Variants in DHRS1 observed in about 807,000 individuals in gnomAD.
DHRS1 encodes dehydrogenase/reductase 1, also known as dehydrogenase/reductase SDR family member 1.
In DHRS1, 34 loss-of-function variants were observed where a neutral mutation model predicts 35.2. The observed-to-expected ratio is 0.97, with a 90% confidence interval of 0.74 to 1.29. DHRS1 has a LOEUF of 1.29. Among genes scored for constraint, DHRS1 ranks in the 50% most tolerant of loss-of-function variants. The pLI, the probability that DHRS1 is intolerant of heterozygous loss-of-function variation, is 0.00. For synonymous variants in DHRS1, 133 were observed against 160.0 expected, an observed-to-expected ratio of 0.83 and a Z score of 1.27; for missense variants, 354 against 403.6, an observed-to-expected ratio of 0.88 and a Z score of 1.05.
Position 24,299,749 on chromosome 14 carries a change from G to C in DHRS1, c.-193C>G. On this transcript the variant is annotated 5_prime_UTR_variant, in exon 1 of 9. Coordinates refer to ENST00000288111, the MANE Select transcript of DHRS1 (RefSeq NM_001136050.3). ...TAGAGGGGCAGAGTCCCAGGCCAAA[G>C]TTAGAACCTGCGGATGGGGGCGGAG... 1 of 594,568 alleles carries C rather than the reference G, an allele frequency of 1.7e-6. No individual in the cohort carries two copies. Among genetic ancestry groups the C allele is most frequent in the South Asian group, 2.5e-5 (1 of 39,694 alleles). The allele number at this position is 594,568 out of a possible 1,614,324, so 36.8% of individuals were successfully genotyped here. A position where few individuals can be genotyped will look rare whatever the true frequency, so the allele number is the denominator to read the frequency against.
At chr14:24,296,465 CTAAG>C (rs1223776926) in intron 4 of DHRS1, 40 bp downstream of exon 4, 6 of 1,602,224 alleles carry the variant, frequency 3.7e-6, no homozygotes, top group Non-Finnish European at 5.1e-6. Flanking sequence ...GTCGAGTTGG[CTAAG>C]TGAGTGAGGG....
Position 24,296,877 on chromosome 14 carries a change from T to C in DHRS1, c.155A>G (p.Gln52Arg). The C allele has an allele frequency of 1.9e-6, 3 of 1,614,232 alleles. No homozygotes were observed. Among genetic ancestry groups the C allele is most frequent in the Non-Finnish European group, 2.5e-6 (3 of 1,180,036 alleles). Reference sequence around the variant, plus strand: ...AGGCACACATTGGCCCCCGAGGGATTGTGCCTGGAGTAGGACAGGGGATAT... The same window carrying C: ...AGGCACACATTGGCCCCCGAGGGATCGTGCCTGGAGTAGGACAGGGGATAT... ...DTLRVVAQEA[Q>R]SLGGQCVPVV... The change falls in exon 3 of 9, where the codon CAA becomes CGA. Residue 52 changes from glutamine to arginine, a missense_variant. Coordinates refer to ENST00000288111, the MANE Select transcript of DHRS1 (RefSeq NM_001136050.3).
chr14:24,299,194 G>C (rs147277524), intron 1 of DHRS1, 64 bp from the exon 2 acceptor site: 2 of 1,435,140 alleles, frequency 1.4e-6, no homozygotes, highest in East Asian at 4.9e-5. Flanking sequence ...GGGCGAGGTT[G>C]GGGGGTAGGG....
At chr14:24,291,018 G>A in intron 8 of DHRS1, 23 bp from the exon 9 acceptor site, 1 of 1,613,850 alleles carries the variant, frequency 6.2e-7, no homozygotes, top group Non-Finnish European at 8.5e-7. Context: ...GGAGGAGGAG[G>A]ATTAGATTCT....
chr14:24,296,618 T>C (rs2041252256), intron 3 of DHRS1, 30 bp from the exon 4 acceptor site: 2 of 1,613,546 alleles, frequency 1.2e-6, no homozygotes, highest in Non-Finnish European at 1.7e-6. Context: ...TGATGAATGA[T>C]CTGAAGGTAG....
chr14:24,292,435 A>T, intron 5 of DHRS1, 105 bp from the exon 6 acceptor site: 1 of 1,526,692 alleles, frequency 6.6e-7, no homozygotes, highest in Non-Finnish European at 8.9e-7. Flanking sequence ...TGTCCTTCCC[A>T]GGAGCCCCAA....
At chr14:24,299,371 T>C in intron 1 of DHRS1, 1 of 385,086 alleles carries the variant, frequency 2.6e-6, no homozygotes, top group Non-Finnish European at 4.7e-6. Flanking sequence ...GGTGGACAAC[T>C]ACTACAACCC....
In DHRS1 at chr14:24,292,212, TC is replaced by T. The variant is rs765644416; in HGVS notation, c.625del (p.Glu209ArgfsTer8). ...ELLKEHMAKE[E>X]VLQDPVLKQF... is the part of the protein sequence containing the mutation. ...CTTCAACACAGGATCCTGCAGGACC[TC>T]CTCCTTTGCCATATGCTCCTTCAGC... On this transcript the variant is annotated frameshift_variant, in exon 6 of 9. Transcript: ENST00000288111. LOFTEE classifies it high-confidence loss of function. 1.9e-6 allele frequency: 3 copies of T among 1,613,928 alleles called. No homozygotes were observed. Among genetic ancestry groups the T allele is most frequent in the Non-Finnish European group, 2.5e-6 (3 of 1,180,020 alleles).
At chr14:24,293,529 G>A (rs1407485335) in intron 4 of DHRS1, 4 of 152,128 alleles carry the variant, frequency 2.6e-5, no homozygotes, top group Admixed American at 2.6e-4. Flanking sequence ...AGCTGAGATT[G>A]TGCCACTGCA....
rs1217975920 is a variant in DHRS1 at position 24,299,016 on chromosome 14, C to T, written c.91G>A (p.Gly31Ser). ...CGGCCAGTGATGTAAACTGTGGCGC[C>T]TGCTTTGCAGAGCTGCAAGGCAATG... Reference protein sequence around the residue: ...RGIALQLCKAGATVYITGRHL... With the variant: ...RGIALQLCKASATVYITGRHL... Residue 31 changes from glycine (G) to serine (S), a missense_variant, in exon 2 of 9, where the codon GGC (glycine) becomes AGC (serine). Coordinates refer to ENST00000288111, the MANE Select transcript of DHRS1 (RefSeq NM_001136050.3). 6.2e-7 allele frequency: 1 copy of T among 1,614,012 alleles called. No individual in the cohort carries two copies. The highest frequency in any genetic ancestry group is 8.5e-7 in the Non-Finnish European group (1 of 1,179,886).
rs1306156197 is a variant in DHRS1, at chr14:24,298,994, C to T, written c.113G>A (p.Gly38Asp). Reference sequence around the variant, plus strand: ...AACGCGAAGGGTGTCCAGATGGCGGCCAGTGATGTAAACTGTGGCGCCTGC... The same window carrying T: ...AACGCGAAGGGTGTCCAGATGGCGGTCAGTGATGTAAACTGTGGCGCCTGC... ...CKAGATVYIT[G>D]RHLDTLRVVA... The change falls in exon 2 of 9, where the codon GGC becomes GAC. Residue 38 changes from glycine (G) to aspartate (D), a missense_variant. Physicochemically the swap from Gly to Asp is moderately conservative, Grantham distance 94 (BLOSUM62 -1). Coordinates refer to ENST00000288111, the MANE Select transcript of DHRS1 (RefSeq NM_001136050.3). 4 of 1,613,268 alleles carry T rather than the reference C, an allele frequency of 2.5e-6. No individual in the cohort carries two copies. The highest frequency in any genetic ancestry group is 3.3e-5 in the Admixed American group (2 of 59,998).
chr14:24,291,353 T>TG, intron 7 of DHRS1, 134 bp from the exon 8 acceptor site: 1 of 1,144,638 alleles, frequency 8.7e-7, no homozygotes, highest in Non-Finnish European at 1.3e-6. Flanking sequence ...TCTTGGGCCT[T>TG]GGACTTTTTC....
intron 4 of DHRS1, 130 bp from the exon 5 acceptor site, chr14:24,292,914 G>A (rs1285038166): frequency 9.9e-6 from 12 of 1,211,254 alleles, no homozygotes; most frequent in Non-Finnish European, 1.3e-5. Context: ...GTGGGTTAGC[G>A]ACCTGAGGAA....
At chr14:24,292,887 T>C in intron 4 of DHRS1, 103 bp from the exon 5 acceptor site, 1 of 1,438,346 alleles carries the variant, frequency 7.0e-7, no homozygotes, top group South Asian at 1.4e-5. Context: ...TGTTGTCCAC[T>C]AGGAAGGCTA....
At chr14:24,297,388 GTT>G (rs1165670275) in intron 2 of DHRS1, among the ~76,000 whole-genome samples, 2 of 152,146 alleles carry the variant, frequency 1.3e-5, no homozygotes, top group African/African-American at 4.8e-5. Context: ...TCTACTTCCT[GTT>G]CTGTCTCACT....
chr14:24,294,589 AAACAACAAC>A (rs56905533), intron 4 of DHRS1: 56,763 of 150,328 alleles, frequency 0.38, 11,741 homozygotes, highest in Middle Eastern at 0.56. Context: ...TTCCACCTCA[AAACAACAAC>A]AACAACAACA....
intron 4 of DHRS1, chr14:24,294,589 A>AAACAACAACAACAAC (rs56905533): frequency 4.7e-5 from 7 of 150,442 alleles, no homozygotes; most frequent in Admixed American, 1.3e-4. Context: ...TTCCACCTCA[A>AAACAACAACAACAAC]AACAACAACA....
chr14:24,292,386 C>T (rs2041175149), intron 5 of DHRS1, 56 bp from the exon 6 acceptor site: 2 of 1,603,748 alleles, frequency 1.2e-6, no homozygotes, highest in Non-Finnish European at 1.7e-6. Flanking sequence ...CTTTCCTGCC[C>T]TGCCCTCTCT....
chr14:24,298,029 G>C (rs2041288635), intron 2 of DHRS1, among the ~76,000 whole-genome samples: 2 of 152,166 alleles, frequency 1.3e-5, no homozygotes, highest in African/African-American at 4.8e-5. Flanking sequence ...CTTCCTGTTG[G>C]AATCTATCTT....
Sources: gnomAD v4.1 joint callset for allele counts (sites outside exome capture counted in the v4.1 genomes callset) on GRCh38, gnomAD v4.1.1 for gene constraint, MANE v1.5 for transcripts, NCBI Gene and HGNC (gene_info 2026-07-23, HGNC 2026-07-21) for gene names.